The following ANKRD28 variants were observed in gnomAD, a reference collection of about 807,000 sequenced individuals.
ANKRD28 encodes the protein serine/threonine-protein phosphatase 6 regulatory ankyrin repeat subunit A.
A neutral mutation model predicts 126.5 loss-of-function variants in ANKRD28; 44 were observed. The ratio of observed to expected loss-of-function variants is 0.35; its 90% CI spans 0.27 to 0.45. The LOEUF (loss-of-function observed/expected upper bound fraction) is 0.45, where lower values mean the gene tolerates loss of function less well. Among genes scored for constraint, ANKRD28 ranks in the 20% least tolerant of loss-of-function variants. ANKRD28 has a pLI of 1.00. For missense variants in ANKRD28, 1,110 were observed against 1,316.6 expected, an observed-to-expected ratio of 0.84 and a Z score of 2.43; for synonymous variants, 442 against 468.5, an observed-to-expected ratio of 0.94 and a Z score of 0.73.
chr3:15,706,592 T>C (rs2071461334), intron 14 of ANKRD28, among the ~76,000 whole-genome samples: 1 of 152,198 alleles, frequency 6.6e-6, no homozygotes, highest in South Asian at 2.1e-4. Flanking sequence ...TATAATCCTT[T>C]GGGTATATAC....
chr3:15,717,389 C>G (rs2073190951), intron 8 of ANKRD28, among the ~76,000 whole-genome samples: 1 of 152,076 alleles, frequency 6.6e-6, no homozygotes, highest in African/African-American at 2.4e-5. Flanking sequence ...ATTCAGATTA[C>G]TAACTAAAAA....
Position 15,675,914 on chromosome 3 carries a change from A to T in ANKRD28, c.2949T>A (p.Leu983=), listed in dbSNP as rs2292088. The change falls in exon 27 of 28, where the codon CTT becomes CTA. Residue 983 remains leucine (L), a synonymous_variant. Coordinates refer to ENST00000683139, the MANE Select transcript of ANKRD28 (RefSeq NM_001349278.2). ...QELLGKGASV[L]AVDENGYTPA... Reference sequence around the variant, plus strand: ...CCAACTTACCATTTTCATCTACTGCAAGCACACTTGCTCCTTTTCCCAAAA... The same window carrying T: ...CCAACTTACCATTTTCATCTACTGCTAGCACACTTGCTCCTTTTCCCAAAA... The T allele has an allele frequency of 2.5e-6, 4 of 1,611,332 alleles. No homozygotes were observed. Among genetic ancestry groups the T allele is most frequent in the Non-Finnish European group, 3.4e-6 (4 of 1,177,940 alleles).
intron 3 of ANKRD28, among the ~76,000 whole-genome samples, chr3:15,760,454 T>C (rs2058396847): frequency 6.6e-6 from 1 of 152,212 alleles, no homozygotes; most frequent in South Asian, 2.1e-4. Context: ...TTTTTGCCCC[T>C]TCCTTTCTGT....
intron 1 of ANKRD28, among the ~76,000 whole-genome samples, chr3:15,811,134 C>T (rs1455782540): frequency 6.6e-6 from 1 of 152,126 alleles, no homozygotes; most frequent in Non-Finnish European, 1.5e-5. Context: ...GCACACCAGA[C>T]TGGAGAAACA....
At position 15,727,564 on chromosome 3, in the gene ANKRD28, C is replaced by CAAAA. The variant is rs59584114; in HGVS notation, c.641-3044_641-3041dup. ...CCTGGGCAACAAAGCGAAACTCTGT[C>CAAAA]AAAAAAAAAAAAAAAAAAAAAAAAA... On this transcript the variant is annotated intron_variant, in intron 6 of 27. Transcript: ENST00000683139. Among the ~76,000 whole-genome samples the CAAAA allele has an allele frequency of 2.3e-3, 154 of 65,766 alleles. 1 individual carries two copies. Among genetic ancestry groups the CAAAA allele is most frequent in the African/African-American group, 3.4e-3 (48 of 14,176 alleles). 43.1% of individuals were successfully genotyped at this position (65,766 alleles called of 152,430 possible). A position where few individuals can be genotyped will look rare whatever the true frequency, so the allele number is the denominator to read the frequency against.
intron 4 of ANKRD28, among the ~76,000 whole-genome samples, chr3:15,743,252 A>G (rs1038261636): frequency 6.6e-6 from 1 of 152,168 alleles, no homozygotes; most frequent in Non-Finnish European, 1.5e-5. Flanking sequence ...TAGGAAAACC[A>G]GAGACCTTTG....
intron 7 of ANKRD28, among the ~76,000 whole-genome samples, chr3:15,723,026 AC>A (rs1482252536): frequency 6.6e-6 from 1 of 152,250 alleles, no homozygotes; most frequent in African/African-American, 2.4e-5. Flanking sequence ...ACAAATAGTC[AC>A]CAGAGTTTAC....
intron 2 of ANKRD28, among the ~76,000 whole-genome samples, chr3:15,780,600 C>T (rs1433772737): frequency 6.6e-6 from 1 of 151,708 alleles, no homozygotes; most frequent in Non-Finnish European, 1.5e-5. Context: ...AATAAAAGAC[C>T]ATGAATAGTT....
At chr3:15,745,306 G>A (rs543298611) in intron 4 of ANKRD28, among the ~76,000 whole-genome samples, 36 of 152,144 alleles carry the variant, frequency 2.4e-4, no homozygotes, top group African/African-American at 8.7e-4. Flanking sequence ...TGTCTAGAAG[G>A]GTTTTTTCTG....
At chr3:15,786,413 A>T (rs775925812) in intron 2 of ANKRD28, among the ~76,000 whole-genome samples, 1 of 152,116 alleles carries the variant, frequency 6.6e-6, no homozygotes, top group Non-Finnish European at 1.5e-5. Context: ...TTCCATTTAT[A>T]TAACACTCTA....
chr3:15,669,658 G>A lies in ANKRD28; in HGVS notation c.*612C>T, dbSNP rs993420130. On this transcript the variant is annotated 3_prime_UTR_variant, in exon 28 of 28. Coordinates refer to ENST00000683139, the MANE Select transcript of ANKRD28 (RefSeq NM_001349278.2). ...TCATGGTTTAATACAGCATTGGAAG[G>A]CTTTCAGATGTTTTCTTAAAAAAAA... The A allele has an allele frequency of 3.9e-5, 6 of 152,144 alleles. No individual in the cohort carries two copies. The highest frequency in any genetic ancestry group is 3.4e-3 in the Middle Eastern group (1 of 294). The allele number at this position is 152,144 out of a possible 1,614,324, so 9.4% of individuals were successfully genotyped here. A position where few individuals can be genotyped will look rare whatever the true frequency, so the allele number is the denominator to read the frequency against.
In ANKRD28 at chr3:15,676,993, T is replaced by C. The variant is rs2067003347; in HGVS notation, c.2854A>G (p.Thr952Ala). ...KITDRNLINA[T>A]NAALQTPLHV... is the part of the protein sequence containing the mutation. ...ACTCACGTTTGCAAGGCTGCGTTGG[T>C]TGCATTGATGAGGTTTCTATCTGTT... The change falls in exon 26 of 28, where the codon ACC becomes GCC. Residue 952 changes from threonine to alanine, a missense_variant. Transcript: ENST00000683139. The C allele has an allele frequency of 2.5e-6, 4 of 1,612,976 alleles. No homozygotes were observed. Among genetic ancestry groups the C allele is most frequent in the Non-Finnish European group, 3.4e-6 (4 of 1,179,472 alleles).
chr3:15,763,172 C>A (rs1279302019), intron 3 of ANKRD28, among the ~76,000 whole-genome samples: 1 of 152,188 alleles, frequency 6.6e-6, no homozygotes, highest in Non-Finnish European at 1.5e-5. Flanking sequence ...TAAATTAGAG[C>A]CTAACTGGTA....
rs11921 is a variant in ANKRD28 at position 15,669,221 on chromosome 3, T to G, written c.*1049A>C. The G allele has an allele frequency of 3.3e-5, 5 of 152,196 alleles. No individual in the cohort carries two copies. In the South Asian group the frequency reaches 1.0e-3, roughly 31 times the overall value. 9.4% of individuals were successfully genotyped at this position (152,196 alleles called of 1,614,324 possible). ...GAACAACAAGGAATTATTTTCCTTT[T>G]GATTATTCACTTTTTCAAAACTCAT... is the stretch of plus-strand genomic sequence containing the variant. On this transcript the variant is annotated 3_prime_UTR_variant, in exon 28 of 28. Coordinates refer to ENST00000683139, the MANE Select transcript of ANKRD28 (RefSeq NM_001349278.2).
intron 2 of ANKRD28, among the ~76,000 whole-genome samples, chr3:15,777,289 GA>G (rs1240219029): frequency 2.2e-5 from 3 of 134,526 alleles, no homozygotes; most frequent in Non-Finnish European, 3.2e-5. Flanking sequence ...AAAAAAAAAA[GA>G]AAAAAAAGAA....
At chr3:15,751,375 C>T (rs947386523) in intron 4 of ANKRD28, among the ~76,000 whole-genome samples, 3 of 152,084 alleles carry the variant, frequency 2.0e-5, no homozygotes, top group Non-Finnish European at 4.4e-5. Flanking sequence ...AGCTAAGTAA[C>T]ATTTCAATTA....
At chr3:15,763,227 A>G (rs1055483058) in intron 3 of ANKRD28, among the ~76,000 whole-genome samples, 2 of 152,240 alleles carry the variant, frequency 1.3e-5, no homozygotes, top group African/African-American at 4.8e-5. Context: ...GCACTCAAAG[A>G]CAAATCATTC....
intron 14 of ANKRD28, among the ~76,000 whole-genome samples, chr3:15,698,453 T>C (rs766099299): frequency 1.0e-3 from 156 of 152,290 alleles, no homozygotes; most frequent in Non-Finnish European, 1.9e-3. Flanking sequence ...TCAAATTGTC[T>C]CTGTTTGCAG....
At chr3:15,735,346 G>T in intron 6 of ANKRD28, 64 bp downstream of exon 6, 1 of 1,324,292 alleles carries the variant, frequency 7.6e-7, no homozygotes, top group African/African-American at 1.5e-5. Context: ...CAAACAGCAA[G>T]AACTTGAAAT....
Sources: allele counts gnomAD v4.1 joint callset (sites outside exome capture counted in the v4.1 genomes callset), GRCh38; gene constraint gnomAD v4.1.1; transcripts MANE v1.5; gene names NCBI Gene and HGNC (gene_info 2026-07-23, HGNC 2026-07-21).